Variants in ARFGEF2 observed in about 807,000 individuals in gnomAD.
ARFGEF2 encodes the protein brefeldin A-inhibited guanine nucleotide-exchange protein 2.
ARFGEF2 carries 74 observed loss-of-function variants against 219.9 expected under a neutral mutation model. That is an observed-to-expected ratio of 0.34 (90% CI 0.28 to 0.41). The LOEUF (loss-of-function observed/expected upper bound fraction) is 0.41, where lower values mean the gene tolerates loss of function less well. Among genes scored for constraint, ARFGEF2 ranks in the 10% least tolerant of loss-of-function variants. The pLI, the probability that ARFGEF2 is intolerant of heterozygous loss-of-function variation, is 1.00. For missense variants in ARFGEF2, 1,743 were observed against 2,218.3 expected (o/e 0.79, Z 4.30); for synonymous variants, 733 against 799.2 (o/e 0.92, Z 1.40).
chr20:49,034,460 C>T lies in ARFGEF2; in HGVS notation c.*1261C>T, dbSNP rs2091655027. 6.6e-6 allele frequency: 1 copy of T among 152,222 alleles called. No individual in the cohort carries two copies. The allele number at this position is 152,222 out of a possible 1,614,324, so 9.4% of individuals were successfully genotyped here. On this transcript the variant is annotated 3_prime_UTR_variant, in exon 39 of 39. Coordinates refer to ENST00000371917, the MANE Select transcript of ARFGEF2 (RefSeq NM_006420.3). ...AGCTTGTGTAAAAGTGGGCAGTACA[C>T]AAGTACGTCCCAAAGCCTGTGAGCA...
At chr20:48,946,872 G>T (rs1235132704) in intron 3 of ARFGEF2, among the ~76,000 whole-genome samples, 1 of 151,676 alleles carries the variant, frequency 6.6e-6, no homozygotes, top group Admixed American at 6.6e-5. Flanking sequence ...CTTGATCATA[G>T]CTCACTGCAG....
In ARFGEF2 at chr20:49,018,955, C is replaced by T; in HGVS notation, c.4581C>T (p.Leu1527=). 5 of 1,614,052 alleles carry T rather than the reference C, an allele frequency of 3.1e-6. No homozygotes were observed. Among genetic ancestry groups the T allele is most frequent in the Non-Finnish European group, 4.2e-6 (5 of 1,179,948 alleles). ...KNPSERGQSQ[L]SNPTDDSWKG... is the part of the protein sequence containing the mutation. ...CCTCTGAGAGGGGACAGAGCCAGCT[C>T]TCTAACCCAACAGATGACAGCTGGA... The change falls in exon 34 of 39, where the codon CTC becomes CTT. Residue 1527 remains leucine, a synonymous_variant. Coordinates refer to ENST00000371917, the MANE Select transcript of ARFGEF2 (RefSeq NM_006420.3).
chr20:48,985,317 A>T, intron 15 of ARFGEF2, 91 bp from the exon 16 acceptor site: 1 of 1,379,632 alleles, frequency 7.2e-7, no homozygotes, highest in South Asian at 1.2e-5. Flanking sequence ...AGTTAGGGCC[A>T]GGCTATTCTG....
Position 49,036,427 on chromosome 20 carries a change from AT to A in ARFGEF2, c.*3229del, listed in dbSNP as rs2091666456. On this transcript the variant is annotated 3_prime_UTR_variant, in exon 39 of 39. Transcript: ENST00000371917. ...TTTGCATCAAATATTTATGTGTAAA[AT>A]GTATGTTTTACCTCCTTAAAATGCC... The A allele has an allele frequency of 2.5e-6, 1 of 394,120 alleles. No homozygotes were observed. Among genetic ancestry groups the A allele is most frequent in the Non-Finnish European group, 4.5e-6 (1 of 223,846 alleles). The allele number at this position is 394,120 out of a possible 1,614,324, so 24.4% of individuals were successfully genotyped here. A position where few individuals can be genotyped will look rare whatever the true frequency, so the allele number is the denominator to read the frequency against.
intron 32 of ARFGEF2, 24 bp from the exon 33 acceptor site, chr20:49,017,472 T>TC (rs1320974215): frequency 1.2e-6 from 2 of 1,613,510 alleles, no homozygotes; most frequent in Admixed American, 3.3e-5. Context: ...ATTGATTATT[T>TC]TTTTTCTCTA....
intron 26 of ARFGEF2, among the ~76,000 whole-genome samples, chr20:49,009,091 AC>A (rs1442824785): frequency 3.9e-5 from 6 of 152,234 alleles, no homozygotes; most frequent in Non-Finnish European, 8.8e-5. Flanking sequence ...AGGCAAAAAA[AC>A]ATTATAATAA....
rs373420782 is a variant in ARFGEF2, at chr20:48,985,622, C to T, written c.2276+9C>T. 49 of 1,613,542 alleles carry T rather than the reference C, an allele frequency of 3.0e-5. No homozygotes were observed. Among genetic ancestry groups the T allele is most frequent in the South Asian group, 2.3e-4 (21 of 91,028 alleles). On this transcript the variant is annotated intron_variant, in intron 16 of 38. Coordinates refer to ENST00000371917, the MANE Select transcript of ARFGEF2 (RefSeq NM_006420.3). Reference sequence around the variant, plus strand: ...ATAGAATGCAACCAAGGGTGAGCGCCGATTTTGAGTCCCTTCCAGATCATC... The same window carrying T: ...ATAGAATGCAACCAAGGGTGAGCGCTGATTTTGAGTCCCTTCCAGATCATC...
rs369941849 is a variant in ARFGEF2 at position 49,027,145 on chromosome 20, C to T, written c.4925-1385C>T. Among the ~76,000 whole-genome samples the T allele has an allele frequency of 1.1e-4, 17 of 151,530 alleles. 1 individual carries two copies. The highest frequency in any genetic ancestry group is 8.3e-4 in the South Asian group (4 of 4,798). ...CTGTTGCTAGGCTGGAGTGCAGTGGCGTGATCTTGGCTCACTGCAACCTCT... is the reference window on the plus strand; with the variant it reads ...CTGTTGCTAGGCTGGAGTGCAGTGGTGTGATCTTGGCTCACTGCAACCTCT... On this transcript the variant is annotated intron_variant, in intron 36 of 38. Coordinates refer to ENST00000371917, the MANE Select transcript of ARFGEF2 (RefSeq NM_006420.3).
chr20:48,922,275 C>G (rs930771913), intron 1 of ARFGEF2, among the ~76,000 whole-genome samples: 1 of 152,228 alleles, frequency 6.6e-6, no homozygotes, highest in African/African-American at 2.4e-5. Context: ...TTCCTTGTCG[C>G]CCTGTTTCCT....
rs369002270 is a variant in ARFGEF2, at chr20:49,012,123, G to C, written c.3918+39G>C. ...CACCTTACTCAGATGGGCAGTGAAG[G>C]GAAAAGGTCATGGAGCAGAAATTCT... On this transcript the variant is annotated intron_variant, in intron 28 of 38. Transcript: ENST00000371917. 7.9e-5 allele frequency: 128 copies of C among 1,613,710 alleles called. 1 individual carries two copies. The South Asian group carries it at 8.1e-4, about 10-fold the overall frequency.
At chr20:48,971,437 C>A in intron 10 of ARFGEF2, 83 bp downstream of exon 10, 2 of 1,088,578 alleles carry the variant, frequency 1.8e-6, no homozygotes, top group Non-Finnish European at 2.7e-6. Context: ...GAGAATGCTG[C>A]TAATATTACA....
chr20:48,968,259 C>T (rs1020664087), intron 8 of ARFGEF2, among the ~76,000 whole-genome samples: 2 of 152,032 alleles, frequency 1.3e-5, no homozygotes, highest in African/African-American at 2.4e-5. Flanking sequence ...TCCCAAAGTG[C>T]TGGGATTACA....
Position 48,962,565 on chromosome 20 carries a change from G to A in ARFGEF2, c.839-1265G>A, listed in dbSNP as rs2091160394. 3.3e-5 allele frequency among the ~76,000 whole-genome samples: 5 copies of A among 152,218 alleles called. No homozygotes were observed. In the South Asian group the frequency reaches 1.0e-3, roughly 31 times the overall value. ...TGGTTTGAGAATGACTAAAGTTTGA[G>A]TAACAGTGATCTAGTCTAAATCATC... is the stretch of plus-strand genomic sequence containing the variant. On this transcript the variant is annotated intron_variant, in intron 6 of 38. Coordinates refer to ENST00000371917, the MANE Select transcript of ARFGEF2 (RefSeq NM_006420.3).
intron 21 of ARFGEF2, 102 bp downstream of exon 21, chr20:48,991,300 A>C (rs2091356186): frequency 2.7e-6 from 4 of 1,497,060 alleles, no homozygotes; most frequent in Non-Finnish European, 3.7e-6. Flanking sequence ...TCTTGAAGTC[A>C]AATCACTGTA....
In ARFGEF2 at chr20:49,028,665, T is replaced by C; in HGVS notation, c.5060T>C (p.Leu1687Ser). Residue 1687 changes from leucine (L) to serine (S), a missense_variant, in exon 37 of 39, where the codon TTA becomes TCA. Leu to Ser is a moderately radical substitution (Grantham distance 145). This residue lies in a region of ARFGEF2 where 578 missense variants were observed against 664.0 expected (regional missense o/e 0.87). Coordinates refer to ENST00000371917, the MANE Select transcript of ARFGEF2 (RefSeq NM_006420.3). The stretch of plus-strand genomic sequence containing the variant: ...TGGGAAGAAATACAGCAGAGACTTT[T>C]AACGTAAGAAAATTAGTTTCTGATT... ...DSWEEIQQRL[L>S]TVCSEALAYF... 1 of 1,614,050 alleles carries C rather than the reference T, an allele frequency of 6.2e-7. No homozygotes were observed. Among genetic ancestry groups the C allele is most frequent in the Non-Finnish European group, 8.5e-7 (1 of 1,179,932 alleles).
chr20:48,948,402 G>A (rs144291856), intron 3 of ARFGEF2, among the ~76,000 whole-genome samples: 1 of 152,252 alleles, frequency 6.6e-6, no homozygotes, highest in African/African-American at 2.4e-5. Context: ...CACACACAGG[G>A]TTATAGTGAA....
intron 35 of ARFGEF2, 134 bp downstream of exon 35, chr20:49,023,315 T>C (rs2091578200): frequency 8.1e-7 from 1 of 1,227,998 alleles, no homozygotes; most frequent in African/African-American, 1.5e-5. Flanking sequence ...TCACATTCAG[T>C]GATGGCATGT....
chr20:49,013,214 T>C (rs2091511327), intron 28 of ARFGEF2, among the ~76,000 whole-genome samples: 1 of 152,182 alleles, frequency 6.6e-6, no homozygotes, highest in South Asian at 2.1e-4. Context: ...TGTATGACAG[T>C]AACATTCCAG....
At chr20:48,971,003 G>T in intron 9 of ARFGEF2, 117 bp from the exon 10 acceptor site, 1 of 839,720 alleles carries the variant, frequency 1.2e-6, no homozygotes, top group East Asian at 2.6e-5. Flanking sequence ...TGACATTTAG[G>T]TGCTATTAAT....
Sources: allele counts gnomAD v4.1 joint callset (sites outside exome capture counted in the v4.1 genomes callset), GRCh38; gene constraint gnomAD v4.1.1; regional missense constraint gnomAD v4.1.1; transcripts MANE v1.5; gene names NCBI Gene and HGNC (gene_info 2026-07-23, HGNC 2026-07-21).